Variants in HELZ2 observed in about 807,000 individuals in gnomAD.
HELZ2 encodes 3'-5' exoribonuclease HELZ2.
HELZ2 carries 143 observed loss-of-function variants against 208.8 expected under a neutral mutation model. That is an observed-to-expected ratio of 0.68 (90% CI 0.60 to 0.79). HELZ2 has a LOEUF of 0.79. Ranked by LOEUF, HELZ2 falls within the 30% of genes least tolerant of loss-of-function variation. The pLI is 0.00. For synonymous variants in HELZ2, 1,705 were observed against 1,693.7 expected, an observed-to-expected ratio of 1.01 and a Z score of -0.16; for missense variants, 3,690 against 3,794.5, an observed-to-expected ratio of 0.97 and a Z score of 0.72.
exon 8 of HELZ2, chr20:63,566,130 G>A: frequency 6.4e-7 from 1 of 1,573,454 alleles, no homozygotes; most frequent in Non-Finnish European, 8.6e-7. Flanking sequence ...ACGGTGTTGA[G>A]CACGCGGGCG....
In HELZ2 at chr20:63,568,994, G is replaced by A. The variant is rs752210643; in HGVS notation, c.1094C>T (p.Thr365Ile). ...CTTCAGGAACACCTGGCCCCGCAGG[G>A]TCAGCCTGGCAGGATGGCCTGGGTC... is the stretch of plus-strand genomic sequence containing the variant. Residue 365 changes from threonine to isoleucine, a missense_variant, in exon 5 of 19, where the codon ACC becomes ATC. Thr to Ile is a moderately conservative substitution (Grantham distance 89). Transcript: ENST00000467148. The A allele has an allele frequency of 1.4e-5, 22 of 1,601,502 alleles. No homozygotes were observed. The highest frequency in any genetic ancestry group is 2.7e-5 in the African/African-American group (2 of 74,914).
exon 8 of HELZ2, chr20:63,565,963 C>T: frequency 2.3e-5 from 36 of 1,599,084 alleles, no homozygotes; most frequent in Non-Finnish European, 3.1e-5. Context: ...GCGCCACACC[C>T]TGCTCGACCT....
At chr20:63,561,684 G>A in exon 12 of HELZ2, 1 of 1,612,418 alleles carries the variant, frequency 6.2e-7, no homozygotes, top group Non-Finnish European at 8.5e-7. Flanking sequence ...GGAACTCGCT[G>A]GCCTCAGCCT....
intron 4 of HELZ2, 37 bp downstream of exon 5, chr20:63,569,111 C>T: frequency 6.3e-7 from 1 of 1,578,754 alleles, no homozygotes; most frequent in Non-Finnish European, 8.6e-7. Context: ...CCCAGCTGCT[C>T]CTGCTACCCC....
chr20:63,572,655 C>T (rs193240598), upstream of HELZ2: 5,338 of 446,960 alleles, frequency 0.012, 137 homozygotes, highest in South Asian at 0.087. Context: ...TCGAAGCGGC[C>T]GCCAAACTCC....
chr20:63,565,678 G>A (rs1411542350), exon 8 of HELZ2: 20 of 1,608,688 alleles, frequency 1.2e-5, no homozygotes, highest in East Asian at 2.2e-5. Context: ...TGGACTCCAC[G>A]CCCGCTGCAG....
rs948142909 is a variant in HELZ2 at position 63,569,650 on chromosome 20, C to T, written c.586G>A (p.Val196Met). The change falls in exon 4 of 19, where the codon GTG becomes ATG. Residue 196 changes from valine to methionine, a missense_variant. Physicochemically the swap from Val to Met is conservative, Grantham distance 21. This residue lies in a region of HELZ2 where 1,119 missense variants were observed against 1,193.4 expected (regional missense o/e 0.94). Coordinates refer to ENST00000467148, the Ensembl canonical transcript of HELZ2. ...CCTGGCTCCTGCTTCAGCAGGGCCACGTGTAGCAGGGGCTCCTGGAGAGGA... is the reference window on the plus strand; with the variant it reads ...CCTGGCTCCTGCTTCAGCAGGGCCATGTGTAGCAGGGGCTCCTGGAGAGGA... 8.5e-6 allele frequency: 13 copies of T among 1,534,742 alleles called. No individual in the cohort carries two copies. Among genetic ancestry groups the T allele is most frequent in the Admixed American group, 4.0e-5 (2 of 50,190 alleles).
At chr20:63,560,654 C>G in exon 16 of HELZ2, 2 of 1,610,046 alleles carry the variant, frequency 1.2e-6, no homozygotes, top group Non-Finnish European at 1.7e-6. Flanking sequence ...CTTCAGCTTG[C>G]TCTTGTAGAA....
rs2082910470 is a variant in HELZ2, at chr20:63,563,311, C to T, written c.5511G>A (p.Leu1837=). 4 of 1,541,706 alleles carry T rather than the reference C, an allele frequency of 2.6e-6. No homozygotes were observed. The South Asian group carries it at 3.5e-5, about 14-fold the overall frequency. ...GAGCAGCCGCCTCCGGCCAGCGCTG[C>T]AGCTCCACCAGCTCCAGCAGCTGCT... is the stretch of plus-strand genomic sequence containing the variant. Residue 1837 remains leucine, a synonymous_variant, in exon 8 of 19, where the codon CTG becomes CTA. Coordinates refer to ENST00000467148, the Ensembl canonical transcript of HELZ2.
chr20:63,567,370 TG>T lies in HELZ2; in HGVS notation c.1987del (p.His663ThrfsTer137). On this transcript the variant is annotated frameshift_variant, in exon 6 of 19. Transcript: ENST00000467148. LOFTEE classifies it high-confidence loss of function. ...CTGGGCCGCCTCATCGATGAGAATG[TG>T]GGAGAAGAAGCCGACCGGCACCCTG... 6.2e-7 allele frequency: 1 copy of T among 1,601,142 alleles called. No individual in the cohort carries two copies. Among genetic ancestry groups the T allele is most frequent in the Non-Finnish European group, 8.5e-7 (1 of 1,174,434 alleles).
Position 63,565,063 on chromosome 20 carries a change from C to T in HELZ2, c.3759G>A (p.Glu1253=), listed in dbSNP as rs1037318195. The T allele has an allele frequency of 2.6e-5, 41 of 1,563,814 alleles. No homozygotes were observed. The African/African-American group carries it at 3.8e-4, about 14-fold the overall frequency. The stretch of plus-strand genomic sequence containing the variant: ...TGTGCCGGGCCTCGGCGGTGAGCCT[C>T]TCAAGCCCCACACGCTGCAGCCGGC... The change falls in exon 8 of 19, where the codon GAG becomes GAA. Residue 1253 remains glutamate (E), a synonymous_variant. Transcript: ENST00000467148.
exon 4 of HELZ2, chr20:63,569,304 T>TGCTCGGCCGTCC: frequency 6.3e-7 from 1 of 1,577,400 alleles, no homozygotes; most frequent in Admixed American, 1.8e-5. Flanking sequence ...CAGGGCCGTC[T>TGCTCGGCCGTCC]GCTCGGCCGT....
At chr20:63,568,293 G>T in intron 5 of HELZ2, 65 bp downstream of exon 6, 1 of 1,250,192 alleles carries the variant, frequency 8.0e-7, no homozygotes, top group Non-Finnish European at 1.2e-6. Flanking sequence ...GGGGGTGACC[G>T]CCTGCCCGGT....
At chr20:63,566,260 TG>T in intron 7 of HELZ2, 29 bp from the exon 9 acceptor site, 1 of 1,492,450 alleles carries the variant, frequency 6.7e-7, no homozygotes, top group South Asian at 1.3e-5. Context: ...CAGGTCAGGC[TG>T]GGTGCGCAAG....
chr20:63,559,281 C>A, exon 19 of HELZ2: 1 of 1,589,358 alleles, frequency 6.3e-7, no homozygotes, highest in Non-Finnish European at 8.6e-7. Context: ...CAGACGCGCA[C>A]CTGGCCGGCA....
At chr20:63,562,543 C>T in exon 8 of HELZ2, 2 of 1,590,876 alleles carry the variant, frequency 1.3e-6, no homozygotes, top group East Asian at 2.3e-5. Context: ...GCTTGGGCAG[C>T]AGCTCAACGG....
downstream of HELZ2, chr20:63,559,058 G>T: frequency 1.7e-6 from 1 of 603,368 alleles, no homozygotes; most frequent in Non-Finnish European, 2.8e-6. Context: ...ATGCCCAGGA[G>T]GAGCAAGAGT....
chr20:63,563,592 C>A lies in HELZ2; in HGVS notation c.5230G>T (p.Val1744Leu), dbSNP rs753723249. 10 of 1,532,074 alleles carry A rather than the reference C, an allele frequency of 6.5e-6. No homozygotes were observed. The highest frequency in any genetic ancestry group is 7.9e-6 in the Non-Finnish European group (9 of 1,142,004). 94.9% of individuals were successfully genotyped at this position (1,532,074 alleles called of 1,614,324 possible). Residue 1744 changes from valine (V) to leucine (L), a missense_variant, in exon 8 of 19, where the codon GTG becomes TTG. Transcript: ENST00000467148. ...CGGGAGCCCGCCTCCACGTCCACCA[C>A]GAAGCCCAGCTTGTCCAGAGGCTGG...
chr20:63,558,827 A>G (rs11551683), downstream of HELZ2: 19,194 of 154,724 alleles, frequency 0.12, 1,327 homozygotes, highest in Middle Eastern at 0.23. Context: ...GTGAGCCACC[A>G]CGCCCGGCAG....
Sources: allele counts gnomAD v4.1 joint callset, GRCh38; gene constraint gnomAD v4.1.1; regional missense constraint gnomAD v4.1.1; transcripts MANE v1.5; gene names NCBI Gene and HGNC (gene_info 2026-07-23, HGNC 2026-07-21).